The following MYO16 variants were observed in gnomAD, a reference collection of about 807,000 sequenced individuals.
MYO16 encodes the protein myosin XVI.
MYO16 carries 94 observed loss-of-function variants against 205.3 expected under a neutral mutation model. The ratio of observed to expected loss-of-function variants is 0.46; its 90% CI spans 0.39 to 0.54. The LOEUF (loss-of-function observed/expected upper bound fraction) is 0.54, where lower values mean the gene tolerates loss of function less well. MYO16 is among the 20% of genes least tolerant of loss of function. The pLI is 0.00. For missense variants in MYO16, 2,315 were observed against 2,387.5 expected, an observed-to-expected ratio of 0.97 and a Z score of 0.63; for synonymous variants, 988 against 954.0, an observed-to-expected ratio of 1.04 and a Z score of -0.66.
chr13:108,728,515 G>A (rs542420594), intron 4 of MYO16, among the ~76,000 whole-genome samples: 3 of 152,242 alleles, frequency 2.0e-5, no homozygotes, highest in South Asian at 2.1e-4. Flanking sequence ...GGACAGGGCC[G>A]TGCTCCCCCT....
chr13:108,906,513 C>T (rs1472101650), intron 15 of MYO16, among the ~76,000 whole-genome samples: 2 of 152,164 alleles, frequency 1.3e-5, no homozygotes, highest in African/African-American at 4.8e-5. Flanking sequence ...TTGTTACCAT[C>T]ATCAATTAGT....
In MYO16 at chr13:108,883,199, C is replaced by A. The variant is rs770527929; in HGVS notation, c.1553+13C>A. On this transcript the variant is annotated intron_variant, in intron 13 of 34. Coordinates refer to ENST00000457511, the MANE Select transcript of MYO16 (RefSeq NM_001198950.3). ...GTTTCATCCTCAGGTGAGTCCTCCTCAACCTTGTCTGCCAGGCTCAGGTTT... is the reference window on the plus strand; with the variant it reads ...GTTTCATCCTCAGGTGAGTCCTCCTAAACCTTGTCTGCCAGGCTCAGGTTT... 1 of 1,610,050 alleles carries A rather than the reference C, an allele frequency of 6.2e-7. No homozygotes were observed. Among genetic ancestry groups the A allele is most frequent in the Non-Finnish European group, 8.5e-7 (1 of 1,177,134 alleles).
At chr13:108,656,645 A>T (rs1297013756) in intron 1 of MYO16, among the ~76,000 whole-genome samples, 2 of 152,236 alleles carry the variant, frequency 1.3e-5, no homozygotes, top group Non-Finnish European at 2.9e-5. Context: ...CTCATAAATG[A>T]TAAAGTCAAT....
At chr13:108,726,733 G>A (rs1003869959) in intron 3 of MYO16, among the ~76,000 whole-genome samples, 2 of 152,040 alleles carry the variant, frequency 1.3e-5, no homozygotes, top group African/African-American at 2.4e-5. Flanking sequence ...TTGTACACCC[G>A]TGATGCCAGC....
At chr13:109,153,084 G>A (rs1235515074) in intron 32 of MYO16, among the ~76,000 whole-genome samples, 1 of 152,136 alleles carries the variant, frequency 6.6e-6, no homozygotes, top group African/African-American at 2.4e-5. Context: ...AAAACACGAC[G>A]TATCCATGAC....
At chr13:108,502,394 A>G in the MYO16 span, among the ~76,000 whole-genome samples, 25 of 152,218 alleles carry the variant, frequency 1.6e-4, no homozygotes. Flanking sequence ...TAATGTAAGT[A>G]AAGTTAATTC....
At chr13:108,862,377 T>C (rs1436528444) in intron 11 of MYO16, among the ~76,000 whole-genome samples, 1 of 152,158 alleles carries the variant, frequency 6.6e-6, no homozygotes, top group Non-Finnish European at 1.5e-5. Flanking sequence ...GATTATGTTG[T>C]TTAGGGTGGT....
chr13:109,100,844 G>A lies in MYO16; in HGVS notation c.3395G>A (p.Arg1132Gln), dbSNP rs755317000. Residue 1132 changes from arginine (R) to glutamine (Q), a missense_variant, in exon 28 of 35, where the codon CGA (arginine) becomes CAA (glutamine). Arg to Gln is a conservative substitution (Grantham distance 43). Transcript: ENST00000457511. ...AAGAAGGAACAGTCAGCTGCCGAGCGATGTCGACTTGTTCTCCAGCAGTGT... is the reference window on the plus strand; with the variant it reads ...AAGAAGGAACAGTCAGCTGCCGAGCAATGTCGACTTGTTCTCCAGCAGTGT... ...REKKEQSAAE[R>Q]CRLVLQQCKL... 18 of 1,613,498 alleles carry A rather than the reference G, an allele frequency of 1.1e-5. No homozygotes were observed. The African/African-American group carries it at 1.5e-4, about 13-fold the overall frequency.
rs186156230 is a variant in MYO16 at position 109,017,192 on chromosome 13, T to C, written c.2596-2519T>C. The stretch of plus-strand genomic sequence containing the variant: ...CAAAATCTCTCAGCATTTGCTTGTC[T>C]ATAAAGGATTTTATTTCTCCTTCAT... On this transcript the variant is annotated intron_variant, in intron 22 of 34. Coordinates refer to ENST00000457511, the MANE Select transcript of MYO16 (RefSeq NM_001198950.3). Among the ~76,000 whole-genome samples, 82 of 152,346 alleles carry C rather than the reference T, an allele frequency of 5.4e-4. No homozygotes were observed. In the Middle Eastern group the frequency reaches 0.014, roughly 25 times the overall value.
intron 16 of MYO16, among the ~76,000 whole-genome samples, chr13:108,938,617 A>G (rs560146473): frequency 6.6e-6 from 1 of 152,330 alleles, no homozygotes; most frequent in Admixed American, 6.5e-5. Context: ...ATGCCTGGAG[A>G]TCTGCCTGGG....
At chr13:108,749,249 A>G (rs1885155279) in intron 4 of MYO16, among the ~76,000 whole-genome samples, 2 of 152,124 alleles carry the variant, frequency 1.3e-5, no homozygotes, top group Admixed American at 1.3e-4. Flanking sequence ...TATGTAATCA[A>G]TCTCTTGAAT....
At chr13:108,750,667 C>A (rs1205039937) in intron 4 of MYO16, among the ~76,000 whole-genome samples, 1 of 151,312 alleles carries the variant, frequency 6.6e-6, no homozygotes, top group East Asian at 1.9e-4. Flanking sequence ...ATTAGCCAAG[C>A]GTGGTGGCGT....
chr13:109,117,494 AAT>A (rs1437976510), intron 28 of MYO16, among the ~76,000 whole-genome samples: 3 of 148,212 alleles, frequency 2.0e-5, no homozygotes, highest in Admixed American at 6.8e-5. Context: ...ATATATATGT[AAT>A]ATATATGTAT....
the MYO16 span, among the ~76,000 whole-genome samples, chr13:108,517,936 C>G: frequency 7.9e-5 from 12 of 152,218 alleles, no homozygotes; most frequent in African/African-American, 2.6e-4. Flanking sequence ...TCGCTCCAGC[C>G]TCTGTTATGA....
At chr13:108,555,284 C>T in the MYO16 span, among the ~76,000 whole-genome samples, 6 of 152,048 alleles carry the variant, frequency 3.9e-5, no homozygotes, top group African/African-American at 1.4e-4. Context: ...CACTGGCTTT[C>T]CGATTTTTAA....
At position 109,065,440 on chromosome 13, in the gene MYO16, G is replaced by C. The variant is rs184769147; in HGVS notation, c.3335+9845G>C. On this transcript the variant is annotated intron_variant, in intron 27 of 34. Coordinates refer to ENST00000457511, the MANE Select transcript of MYO16 (RefSeq NM_001198950.3). ...TTTCATCTCTCCCCGATATGTATAT[G>C]TTAGTTTAATGTGTTGAATAATATA... is the stretch of plus-strand genomic sequence containing the variant. 1,377 of 389,250 alleles carry C rather than the reference G, an allele frequency of 3.5e-3. 6 individuals carry two copies. Among genetic ancestry groups the C allele is most frequent in the Admixed American group, 5.2e-3 (140 of 26,974 alleles). The allele number at this position is 389,250 out of a possible 1,614,324, so 24.1% of individuals were successfully genotyped here.
At chr13:108,918,746 C>CTGGCCTT (rs1308506856) in intron 16 of MYO16, among the ~76,000 whole-genome samples, 1 of 152,200 alleles carries the variant, frequency 6.6e-6, no homozygotes, top group East Asian at 1.9e-4. Context: ...CGAGACCAAC[C>CTGGCCTT]TGGCCAACAT....
the MYO16 span, among the ~76,000 whole-genome samples, chr13:108,559,856 G>A: frequency 6.6e-6 from 1 of 152,010 alleles, no homozygotes; most frequent in Non-Finnish European, 1.5e-5. Context: ...AAAACAAGGT[G>A]CAGGAACACT....
rs567048607 is a variant in MYO16, at chr13:109,034,495, G to A, written c.2797-12421G>A. Among the ~76,000 whole-genome samples the A allele has an allele frequency of 2.0e-5, 3 of 152,232 alleles. No homozygotes were observed. In the East Asian group the frequency reaches 5.8e-4, roughly 29 times the overall value. ...GCACCTTGCTTCCTGTTTGCCTTCC[G>A]CCATGATTGTAAGTTCCCTGAGGCC... On this transcript the variant is annotated intron_variant, in intron 23 of 34. Coordinates refer to ENST00000457511, the MANE Select transcript of MYO16 (RefSeq NM_001198950.3).
Sources: gnomAD v4.1 joint callset for allele counts (sites outside exome capture counted in the v4.1 genomes callset) on GRCh38, gnomAD v4.1.1 for gene constraint, MANE v1.5 for transcripts, NCBI Gene and HGNC (gene_info 2026-07-23, HGNC 2026-07-21) for gene names.